The following DENND1A variants were observed in gnomAD, a reference collection of about 807,000 sequenced individuals.
The protein encoded by DENND1A is DENN domain containing 1A, also known as DENN domain-containing protein 1A.
A neutral mutation model predicts 113.7 loss-of-function variants in DENND1A; 51 were observed. The observed-to-expected ratio is 0.45, with a 90% CI of 0.36 to 0.57. DENND1A has a LOEUF of 0.57. DENND1A is among the 20% of genes least tolerant of loss of function. The probability of loss-of-function intolerance (pLI) is 0.00; values close to 1 mark genes in which losing one functional copy is unlikely to be tolerated. For synonymous variants in DENND1A, 565 were observed against 570.8 expected (o/e 0.99, Z 0.14); for missense variants, 1,258 against 1,395.9 (o/e 0.90, Z 1.57).
At chr9:123,728,043 T>C (rs2067837805) in intron 5 of DENND1A, among the ~76,000 whole-genome samples, 1 of 151,502 alleles carries the variant, frequency 6.6e-6, no homozygotes, top group African/African-American at 2.4e-5. Flanking sequence ...AAGGCGGAGC[T>C]TGCAGTGAGC....
intron 10 of DENND1A, among the ~76,000 whole-genome samples, chr9:123,627,739 C>CA (rs764341977): frequency 0.061 from 3,521 of 57,594 alleles, 81 homozygotes; most frequent in African/African-American, 0.091. Flanking sequence ...AACTCTGTCT[C>CA]AAAAAAAAAA....
At chr9:123,388,582 C>A (rs2130976230) in intron 21 of DENND1A, among the ~76,000 whole-genome samples, 1 of 152,252 alleles carries the variant, frequency 6.6e-6, no homozygotes, top group East Asian at 1.9e-4. Context: ...TCAGATGCCT[C>A]TTCAGAGAGT....
chr9:123,778,036 T>C (rs1165240682), intron 3 of DENND1A, among the ~76,000 whole-genome samples: 2 of 152,252 alleles, frequency 1.3e-5, no homozygotes, highest in East Asian at 3.9e-4. Context: ...TGACATTTCA[T>C]TACAAAGACA....
At chr9:123,504,989 C>A (rs1275163796) in intron 13 of DENND1A, among the ~76,000 whole-genome samples, 1 of 152,152 alleles carries the variant, frequency 6.6e-6, no homozygotes, top group Admixed American at 6.5e-5. Flanking sequence ...CAAGAACCCA[C>A]CCCCCTTGTA....
At chr9:123,902,192 C>CACACACACAT (rs1851771369) in intron 1 of DENND1A, among the ~76,000 whole-genome samples, 4 of 149,842 alleles carry the variant, frequency 2.7e-5, no homozygotes, top group Non-Finnish European at 3.0e-5. Flanking sequence ...CACACACACA[C>CACACACACAT]ACACACACAC....
intron 13 of DENND1A, among the ~76,000 whole-genome samples, 158 bp from the exon 14 acceptor site, chr9:123,458,055 C>T (rs998756067): frequency 8.2e-5 from 12 of 146,146 alleles, no homozygotes; most frequent in Admixed American, 5.7e-4. Flanking sequence ...GGCTGGAGTA[C>T]AGTGGTGCCA....
intron 2 of DENND1A, among the ~76,000 whole-genome samples, chr9:123,824,647 G>C (rs977915750): frequency 6.6e-5 from 10 of 152,070 alleles, no homozygotes; most frequent in African/African-American, 2.4e-4. Flanking sequence ...GGTGTTTATA[G>C]AGTTCATCTG....
At chr9:123,592,401 C>T (rs2059499034) in intron 11 of DENND1A, among the ~76,000 whole-genome samples, 1 of 151,902 alleles carries the variant, frequency 6.6e-6, no homozygotes, top group African/African-American at 2.4e-5. Flanking sequence ...CTAACTCTGC[C>T]AATTAAAACT....
chr9:123,508,321 T>C (rs2053150291), intron 13 of DENND1A, among the ~76,000 whole-genome samples: 1 of 152,264 alleles, frequency 6.6e-6, no homozygotes, highest in South Asian at 2.1e-4. Context: ...CATTCATACA[T>C]GCTTACAGAA....
In DENND1A at chr9:123,818,427, A is replaced by C. The variant is rs548594498; in HGVS notation, c.89-25797T>G. Among the ~76,000 whole-genome samples the C allele has an allele frequency of 1.5e-3, 229 of 151,904 alleles. 1 individual carries two copies. The highest frequency in any genetic ancestry group is 5.3e-3 in the African/African-American group (218 of 41,418). On this transcript the variant is annotated intron_variant, in intron 2 of 23. Coordinates refer to ENST00000394215, the MANE Select transcript of DENND1A (RefSeq NM_001352964.2). Reference sequence around the variant, plus strand: ...CCTATAGTATTGTTAATACAGGTTGAGTATCCCTTATCCGAAACACTTGAG... The same window carrying C: ...CCTATAGTATTGTTAATACAGGTTGCGTATCCCTTATCCGAAACACTTGAG...
intron 1 of DENND1A, among the ~76,000 whole-genome samples, chr9:123,924,595 G>A (rs1323581774): frequency 2.0e-5 from 3 of 149,966 alleles, no homozygotes; most frequent in Admixed American, 6.6e-5. Context: ...AGGTAGCAGT[G>A]AGCCAAGATC....
At chr9:123,591,365 T>C (rs2059447188) in intron 11 of DENND1A, among the ~76,000 whole-genome samples, 1 of 152,088 alleles carries the variant, frequency 6.6e-6, no homozygotes, top group Non-Finnish European at 1.5e-5. Context: ...AAGGCAAGGG[T>C]GTGCACTGGC....
At chr9:123,803,535 C>T (rs1044698128) in intron 2 of DENND1A, among the ~76,000 whole-genome samples, 1 of 152,158 alleles carries the variant, frequency 6.6e-6, no homozygotes, top group African/African-American at 2.4e-5. Flanking sequence ...TATTCTCCCA[C>T]CACCTCTGCC....
chr9:123,661,275 A>G (rs777454051), intron 8 of DENND1A, among the ~76,000 whole-genome samples: 1 of 152,212 alleles, frequency 6.6e-6, no homozygotes, highest in African/African-American at 2.4e-5. Flanking sequence ...ACCTCTCCAG[A>G]GGAATATGTG....
chr9:123,779,952 T>G (rs775953390), intron 3 of DENND1A, among the ~76,000 whole-genome samples: 6 of 150,746 alleles, frequency 4.0e-5, no homozygotes, highest in Non-Finnish European at 7.4e-5. Flanking sequence ...AACCCAGGGT[T>G]CAACCGATTT....
At chr9:123,411,100 TTTTTC>T (rs982941890) in intron 20 of DENND1A, among the ~76,000 whole-genome samples, 10 of 151,964 alleles carry the variant, frequency 6.6e-5, no homozygotes, top group African/African-American at 2.2e-4. Context: ...TTTTTTTTTT[TTTTTC>T]TTTTAAGAGA....
At chr9:123,525,757 C>T (rs1412751035) in intron 13 of DENND1A, among the ~76,000 whole-genome samples, 3 of 82,076 alleles carry the variant, frequency 3.7e-5, no homozygotes, top group African/African-American at 1.2e-4. Context: ...GTGCAGTCTA[C>T]CTTTTTTTTT....
At position 123,848,659 on chromosome 9, in the gene DENND1A, A is replaced by C. The variant is rs78267468; in HGVS notation, c.88+30292T>G. On this transcript the variant is annotated intron_variant, in intron 2 of 23. Transcript: ENST00000394215. ...TCAAAAGCTAAACATAATTAAGCTT[A>C]GCAGTGACGAAGGCATATTGAAAGT... Among the ~76,000 whole-genome samples, 1,492 of 152,342 alleles carry C rather than the reference A, an allele frequency of 9.8e-3. 13 individuals carry two copies. Among genetic ancestry groups the C allele is most frequent in the East Asian group, 0.02 (106 of 5,192 alleles).
At chr9:123,532,120 A>G (rs2135382331) in intron 13 of DENND1A, among the ~76,000 whole-genome samples, 1 of 152,352 alleles carries the variant, frequency 6.6e-6, no homozygotes, top group South Asian at 2.1e-4. Flanking sequence ...AATGAATCAA[A>G]TGAAATGAAA....
Sources: allele counts gnomAD v4.1 joint callset (sites outside exome capture counted in the v4.1 genomes callset), GRCh38; gene constraint gnomAD v4.1.1; transcripts MANE v1.5; gene names NCBI Gene and HGNC (gene_info 2026-07-23, HGNC 2026-07-21).